Variants in HDAC1 observed in about 807,000 individuals in gnomAD.
HDAC1 encodes histone deacetylase 1.
HDAC1 carries 18 observed loss-of-function variants against 65.5 expected under a neutral mutation model. That is an observed-to-expected ratio of 0.27 (90% CI 0.19 to 0.41). The LOEUF (loss-of-function observed/expected upper bound fraction) is 0.41. Among genes scored for constraint, HDAC1 ranks in the 10% least tolerant of loss-of-function variants. The pLI, the probability that HDAC1 is intolerant of heterozygous loss-of-function variation, is 1.00. For synonymous variants in HDAC1, 211 were observed against 227.9 expected (o/e 0.93, Z 0.67); for missense variants, 373 against 625.2 (o/e 0.60, Z 4.30).
At chr1:32,303,365 G>T (rs1367359846) in intron 2 of HDAC1, among the ~76,000 whole-genome samples, 2 of 152,132 alleles carry the variant, frequency 1.3e-5, no homozygotes, top group Non-Finnish European at 2.9e-5. Flanking sequence ...CCTAAGCTAG[G>T]AGGATCATTT....
At position 32,327,107 on chromosome 1, in the gene HDAC1, G is replaced by A; in HGVS notation, c.494+30G>A. On this transcript the variant is annotated intron_variant, in intron 5 of 13. Transcript: ENST00000373548. This position sits in a 1 kb window ranked among gnomAD's most constrained non-coding sequence, Gnocchi z 6.0. ...GCCTGCCTGGCCTTGTCTCTTGGAAGAGCACCTTAGGCCAGGTTCCCATTT... is the reference window on the plus strand; with the variant it reads ...GCCTGCCTGGCCTTGTCTCTTGGAAAAGCACCTTAGGCCAGGTTCCCATTT... 6.2e-7 allele frequency: 1 copy of A among 1,611,910 alleles called. No homozygotes were observed. Among genetic ancestry groups the A allele is most frequent in the Non-Finnish European group, 8.5e-7 (1 of 1,179,036 alleles).
chr1:32,309,821 A>G (rs193013481), intron 2 of HDAC1, among the ~76,000 whole-genome samples: 5 of 152,254 alleles, frequency 3.3e-5, no homozygotes, highest in Admixed American at 2.0e-4. Flanking sequence ...CAGCCTCCCA[A>G]GTAGTTGAGA....
At position 32,332,253 on chromosome 1, in the gene HDAC1, G is replaced by A. The variant is rs745884717; in HGVS notation, c.1372+11G>A. On this transcript the variant is annotated intron_variant, in intron 12 of 13. Coordinates refer to ENST00000373548, the MANE Select transcript of HDAC1 (RefSeq NM_004964.3). ...CAGAGGAGAAGAAAGGTGGGTTTGGGTTCAGCTGGGACTTGGGTCTCGAGC... is the reference window on the plus strand; with the variant it reads ...CAGAGGAGAAGAAAGGTGGGTTTGGATTCAGCTGGGACTTGGGTCTCGAGC... 2.5e-6 allele frequency: 4 copies of A among 1,605,756 alleles called. No individual in the cohort carries two copies. Among genetic ancestry groups the A allele is most frequent in the Non-Finnish European group, 8.5e-7 (1 of 1,176,024 alleles).
At position 32,312,560 on chromosome 1, in the gene HDAC1, C is replaced by T. The variant is rs187158054; in HGVS notation, c.163-4105C>T. On this transcript the variant is annotated intron_variant, in intron 2 of 13. Transcript: ENST00000373548. The stretch of plus-strand genomic sequence containing the variant: ...ATTTTTAGTAGAGATGGGGTTTTAC[C>T]ATGTTAGCCAGACTGGTCTCGAACT... 2.6e-5 allele frequency among the ~76,000 whole-genome samples: 4 copies of T among 152,190 alleles called. No homozygotes were observed. In the East Asian group the frequency reaches 7.7e-4, roughly 29 times the overall value.
At chr1:32,305,982 G>A (rs1640905288) in intron 2 of HDAC1, among the ~76,000 whole-genome samples, 1 of 152,060 alleles carries the variant, frequency 6.6e-6, no homozygotes, top group African/African-American at 2.4e-5. Context: ...CCTACTTTGT[G>A]CCAGGCAATA....
intron 2 of HDAC1, among the ~76,000 whole-genome samples, chr1:32,314,755 G>T (rs1641035979): frequency 6.7e-6 from 1 of 148,678 alleles, no homozygotes; most frequent in African/African-American, 2.5e-5. Context: ...GAACCTGGGA[G>T]ACAGAGCTTG....
intron 2 of HDAC1, among the ~76,000 whole-genome samples, chr1:32,309,612 G>A (rs1640961432): frequency 6.6e-6 from 1 of 151,472 alleles, no homozygotes; most frequent in Admixed American, 6.6e-5. Flanking sequence ...GCTTGAACCT[G>A]GGTGGCGGAG....
At chr1:32,307,111 G>A (rs1640921281) in intron 2 of HDAC1, among the ~76,000 whole-genome samples, 1 of 152,062 alleles carries the variant, frequency 6.6e-6, no homozygotes, top group Admixed American at 6.6e-5. Context: ...CAGACGTGGT[G>A]GTGCATACCT....
At chr1:32,292,768 T>G (rs1316086661) in intron 1 of HDAC1, among the ~76,000 whole-genome samples, 1 of 151,956 alleles carries the variant, frequency 6.6e-6, no homozygotes, top group Non-Finnish European at 1.5e-5. Context: ...TCAAGCAGGT[T>G]ACTGTGTTCG....
At chr1:32,324,245 C>T (rs1477706911) in intron 3 of HDAC1, among the ~76,000 whole-genome samples, 1 of 152,144 alleles carries the variant, frequency 6.6e-6, no homozygotes, top group Non-Finnish European at 1.5e-5. Flanking sequence ...GTTTGTGCCA[C>T]TGCACTCCAG....
chr1:32,309,377 C>T (rs1640957576), intron 2 of HDAC1, among the ~76,000 whole-genome samples: 1 of 152,096 alleles, frequency 6.6e-6, no homozygotes, highest in South Asian at 2.1e-4. Flanking sequence ...CTCTTTCTCT[C>T]TCTCTCTCTT....
intron 1 of HDAC1, among the ~76,000 whole-genome samples, chr1:32,297,626 G>C (rs540184193): frequency 6.6e-6 from 1 of 151,980 alleles, no homozygotes; most frequent in Admixed American, 6.6e-5. Flanking sequence ...TTTTTTTGCG[G>C]GGGGGACGGA....
chr1:32,320,899 CAAAAAA>C (rs1160071616), intron 3 of HDAC1, among the ~76,000 whole-genome samples: 23 of 23,382 alleles, frequency 9.8e-4, no homozygotes, highest in African/African-American at 1.9e-3. Flanking sequence ...GACTCCATCT[CAAAAAA>C]AAAAAAAAAA....
chr1:32,318,199 T>C (rs957924084), intron 3 of HDAC1, among the ~76,000 whole-genome samples: 1 of 152,238 alleles, frequency 6.6e-6, no homozygotes, highest in Non-Finnish European at 1.5e-5. Flanking sequence ...TATGCCAGCC[T>C]CGGCTTCCCC....
chr1:32,332,330 C>T (rs755730396), intron 12 of HDAC1, 88 bp downstream of exon 12: 57 of 1,230,222 alleles, frequency 4.6e-5, no homozygotes, highest in Non-Finnish European at 6.4e-5. Flanking sequence ...GACTCAGGCC[C>T]TGCCAGCTCC....
Position 32,331,763 on chromosome 1 carries a change from G to T in HDAC1, c.1176G>T (p.Glu392Asp), listed in dbSNP as rs768154680. Residue 392 changes from glutamate to aspartate, a missense_variant, in exon 11 of 14, where the codon GAG becomes GAT. Transcript: ENST00000373548. This position sits in a 1 kb window ranked among gnomAD's most constrained non-coding sequence, Gnocchi z 4.2. Reference sequence around the variant, plus strand: ...TTCCTGAGGACGCCATCCCTGAGGAGAGTGGCGATGAGGACGAAGACGACC... The same window carrying T: ...TTCCTGAGGACGCCATCCCTGAGGATAGTGGCGATGAGGACGAAGACGACC... Reference protein sequence around the residue: ...QAIPEDAIPEESGDEDEDDPD... With the variant: ...QAIPEDAIPEDSGDEDEDDPD... The T allele has an allele frequency of 1.2e-6, 2 of 1,614,034 alleles. No homozygotes were observed. Among genetic ancestry groups the T allele is most frequent in the South Asian group, 2.2e-5 (2 of 91,074 alleles).
chr1:32,319,067 C>T (rs906529609), intron 3 of HDAC1, among the ~76,000 whole-genome samples: 1 of 151,880 alleles, frequency 6.6e-6, no homozygotes, highest in African/African-American at 2.4e-5. Flanking sequence ...TGCAGTGAGC[C>T]AAGATCGCGC....
In HDAC1 at chr1:32,333,022, A is replaced by G; in HGVS notation, c.1427A>G (p.Lys476Arg). ...AGTCTCTGCTCTCTCCACAGGGTCA[A>G]GGAGGAGGTCAAGTTGGCCTGAATG... ...KEEKPEAKGV[K>R]EEVKLA Residue 476 changes from lysine to arginine, a missense_variant, in exon 14 of 14, where the codon AAG (lysine) becomes AGG (arginine). By Grantham distance (26) the Lys-to-Arg change is conservative (BLOSUM62 2). Around this residue, in one of 4 missense-constraint regions of HDAC1, gnomAD observed 126 missense variants for 126.2 expected, o/e 1.00. Transcript: ENST00000373548. 6.2e-7 allele frequency: 1 copy of G among 1,613,662 alleles called. No individual in the cohort carries two copies. The highest frequency in any genetic ancestry group is 8.5e-7 in the Non-Finnish European group (1 of 1,179,736).
intron 1 of HDAC1, 76 bp from the exon 2 acceptor site, chr1:32,302,545 G>T: frequency 1.4e-6 from 1 of 728,020 alleles, no homozygotes; most frequent in South Asian, 1.5e-5. Context: ...CTGGGAGTTC[G>T]CTGTAAAAAT....
Sources: gnomAD v4.1 joint callset for allele counts (sites outside exome capture counted in the v4.1 genomes callset) on GRCh38, gnomAD v4.1.1 for gene constraint, gnomAD v4.1.1 regional missense constraint, Gnocchi (gnomAD v3.1) non-coding constraint, MANE v1.5 for transcripts, NCBI Gene and HGNC (gene_info 2026-07-23, HGNC 2026-07-21) for gene names.